The following PALD1 variants were observed in gnomAD, a reference collection of about 807,000 sequenced individuals.
The protein encoded by PALD1 is phosphatase domain containing paladin 1.
In PALD1, 57 loss-of-function variants were observed where a neutral mutation model predicts 96.0. That is an observed-to-expected ratio of 0.59 (90% CI 0.48 to 0.74). The LOEUF is 0.74. Ranked by LOEUF, PALD1 falls within the 30% of genes least tolerant of loss-of-function variation. PALD1 has a pLI of 0.00. For missense variants in PALD1, 1,063 were observed against 1,143.7 expected (o/e 0.93, Z 1.02); for synonymous variants, 464 against 473.6 (o/e 0.98, Z 0.26).
chr10:70,524,456 A>G (rs1366623130), intron 1 of PALD1, among the ~76,000 whole-genome samples: 2 of 152,214 alleles, frequency 1.3e-5, no homozygotes, highest in Non-Finnish European at 2.9e-5. Flanking sequence ...TGTCCCAGCC[A>G]TCTTTTGTAG....
chr10:70,555,662 G>C (rs1040998811), intron 18 of PALD1, among the ~76,000 whole-genome samples: 1 of 152,208 alleles, frequency 6.6e-6, no homozygotes, highest in African/African-American at 2.4e-5. Context: ...AGACCAGAGA[G>C]CTCTGGCTCT....
At position 70,534,124 on chromosome 10, in the gene PALD1, GA is replaced by G. The variant is rs770466059; in HGVS notation, c.1022+52del. 2.4e-5 allele frequency: 36 copies of G among 1,494,024 alleles called. 1 individual carries two copies. The Middle Eastern group carries it at 7.2e-4, about 30-fold the overall frequency. The allele number at this position is 1,494,024 out of a possible 1,614,324, so 92.5% of individuals were successfully genotyped here. On this transcript the variant is annotated intron_variant, in intron 8 of 19. Transcript: ENST00000263563. ...TGAAGGGCTGTGGGGCCGAGGAGGG[GA>G]CAGGCTGCCCCACAGTGTGGGGACA...
upstream of PALD1, among the ~76,000 whole-genome samples, chr10:70,477,069 C>T (rs1845837745): frequency 6.6e-6 from 1 of 152,110 alleles, no homozygotes; most frequent in African/African-American, 2.4e-5. Context: ...ATATTTTGCA[C>T]CTGCTCACAC....
chr10:70,459,215 C>G, the PALD1 span, among the ~76,000 whole-genome samples: 1 of 152,180 alleles, frequency 6.6e-6, no homozygotes, highest in African/African-American at 2.4e-5. Context: ...TTAGCCCTCC[C>G]GCTGGCACTA....
chr10:70,469,774 A>G, the PALD1 span, among the ~76,000 whole-genome samples: 5 of 151,940 alleles, frequency 3.3e-5, no homozygotes, highest in Non-Finnish European at 7.4e-5. Context: ...GGGTGCACTG[A>G]CTGGCTTCTT....
chr10:70,472,441 A>T, the PALD1 span, among the ~76,000 whole-genome samples: 6 of 152,086 alleles, frequency 3.9e-5, no homozygotes, highest in African/African-American at 1.2e-4. Context: ...TTGTATTTTT[A>T]GTAGAGATGG....
At chr10:70,490,724 T>A (rs1846084105) in intron 1 of PALD1, among the ~76,000 whole-genome samples, 1 of 152,200 alleles carries the variant, frequency 6.6e-6, no homozygotes, top group Non-Finnish European at 1.5e-5. Context: ...TCTCCTGTGT[T>A]CCCTGCCTCT....
At chr10:70,520,089 G>A (rs1255038858) in intron 1 of PALD1, among the ~76,000 whole-genome samples, 2 of 152,124 alleles carry the variant, frequency 1.3e-5, no homozygotes, top group African/African-American at 4.8e-5. Context: ...GGTGGGACTT[G>A]GGATTGTGCC....
chr10:70,471,560 G>A, the PALD1 span, among the ~76,000 whole-genome samples: 6 of 152,138 alleles, frequency 3.9e-5, no homozygotes, highest in African/African-American at 9.7e-5. Context: ...ATAGCTGCAC[G>A]GTGTTCCTAG....
At chr10:70,556,278 A>ACCTCCCTCTCTCCC (rs766158877) in intron 18 of PALD1, among the ~76,000 whole-genome samples, 4 of 40,116 alleles carry the variant, frequency 1.0e-4, no homozygotes, top group Non-Finnish European at 1.9e-4. Flanking sequence ...AGTAGCCGAG[A>ACCTCCCTCTCTCCC]CCTCTCTCTC....
Position 70,486,618 on chromosome 10 carries a change from A to G in PALD1, c.-30+7559A>G, listed in dbSNP as rs372936700. ...TCTACTAATAATACAAAAATTAGCC[A>G]GGTGTGGTGGTGGGTGCCTGTAGTC... On this transcript the variant is annotated intron_variant, in intron 1 of 19. Transcript: ENST00000263563. Among the ~76,000 whole-genome samples the G allele has an allele frequency of 5.1e-4, 77 of 152,118 alleles. 3 individuals carry two copies. The East Asian group carries it at 0.01, about 21-fold the overall frequency.
At chr10:70,515,725 C>T (rs1344528171) in intron 1 of PALD1, among the ~76,000 whole-genome samples, 1 of 152,138 alleles carries the variant, frequency 6.6e-6, no homozygotes, top group Non-Finnish European at 1.5e-5. Flanking sequence ...AGGGGAGGTA[C>T]CGGTGGTCCT....
chr10:70,525,349 C>A (rs1846834648), intron 1 of PALD1, among the ~76,000 whole-genome samples: 1 of 152,036 alleles, frequency 6.6e-6, no homozygotes, highest in African/African-American at 2.4e-5. Context: ...GAGTTTGGGG[C>A]CTGGTATTTT....
At chr10:70,551,907 C>T (rs1847488012) in intron 18 of PALD1, among the ~76,000 whole-genome samples, 1 of 151,996 alleles carries the variant, frequency 6.6e-6, no homozygotes, top group African/African-American at 2.4e-5. Flanking sequence ...AAGAGTCTCC[C>T]AGTCTCCCAG....
chr10:70,510,183 A>G (rs1283268901), intron 1 of PALD1, among the ~76,000 whole-genome samples: 3 of 152,104 alleles, frequency 2.0e-5, no homozygotes, highest in Non-Finnish European at 4.4e-5. Context: ...GGTGGGTGGG[A>G]TGGAGACAGA....
At chr10:70,496,762 G>T (rs555623069) in intron 1 of PALD1, among the ~76,000 whole-genome samples, 151 of 152,278 alleles carry the variant, frequency 9.9e-4, no homozygotes, top group African/African-American at 3.5e-3. Context: ...TCTCTAGGAC[G>T]TAGAGCCAGG....
At chr10:70,514,944 G>GT (rs1345976205) in intron 1 of PALD1, among the ~76,000 whole-genome samples, 1 of 152,304 alleles carries the variant, frequency 6.6e-6, no homozygotes, top group Non-Finnish European at 1.5e-5. Context: ...CATGTTCATT[G>GT]TAAGATGTTT....
intron 1 of PALD1, among the ~76,000 whole-genome samples, chr10:70,499,779 G>A (rs1846261283): frequency 6.6e-6 from 1 of 152,176 alleles, no homozygotes; most frequent in African/African-American, 2.4e-5. Flanking sequence ...ATGGGCTGGT[G>A]TGAGCCTAGG....
chr10:70,533,351 G>A (rs1329494062), intron 7 of PALD1, among the ~76,000 whole-genome samples: 1 of 151,940 alleles, frequency 6.6e-6, no homozygotes, highest in East Asian at 1.9e-4. Flanking sequence ...GGATACATGT[G>A]TTTCTGTGTG....
Sources: gnomAD v4.1 joint callset for allele counts (sites outside exome capture counted in the v4.1 genomes callset) on GRCh38, gnomAD v4.1.1 for gene constraint, MANE v1.5 for transcripts, NCBI Gene and HGNC (gene_info 2026-07-23, HGNC 2026-07-21) for gene names.